The following GPR137C variants were observed in gnomAD, a reference collection of about 807,000 sequenced individuals.
GPR137C encodes the protein G protein-coupled receptor 137C, also known as integral membrane protein GPR137C.
A neutral mutation model predicts 43.4 loss-of-function variants in GPR137C; 27 were observed. That is an observed-to-expected ratio of 0.62 (90% CI 0.46 to 0.86). The LOEUF (loss-of-function observed/expected upper bound fraction) is 0.86, where lower values mean the gene tolerates loss of function less well. Ranked by LOEUF, GPR137C falls within the 40% of genes least tolerant of loss-of-function variation. The probability of loss-of-function intolerance (pLI) is 0.00; values close to 1 mark genes in which losing one functional copy is unlikely to be tolerated. For synonymous variants in GPR137C, 285 were observed against 226.9 expected, an observed-to-expected ratio of 1.26 and a Z score of -2.30; for missense variants, 522 against 534.6, an observed-to-expected ratio of 0.98 and a Z score of 0.23.
chr14:52,633,590 T>TG lies in GPR137C; in HGVS notation c.931dup (p.Glu311GlyfsTer29). On this transcript the variant is annotated frameshift_variant, in exon 5 of 7. Coordinates refer to ENST00000321662, the MANE Select transcript of GPR137C (RefSeq NM_001099652.2). LOFTEE classifies it high-confidence loss of function. Reference sequence around the variant, plus strand: ...AGTATTTGGAATGGTCCTCTTTCTGTGGGAACATGTGCCAGCATGGTCGGT... The same window carrying TG: ...AGTATTTGGAATGGTCCTCTTTCTGTGGGGAACATGTGCCAGCATGGTCGGT... 1 of 1,612,876 alleles carries TG rather than the reference T, an allele frequency of 6.2e-7. No individual in the cohort carries two copies. The highest frequency in any genetic ancestry group is 8.5e-7 in the Non-Finnish European group (1 of 1,179,084).
At chr14:52,577,454 T>G (rs1258874977) in intron 1 of GPR137C, among the ~76,000 whole-genome samples, 1 of 150,952 alleles carries the variant, frequency 6.6e-6, no homozygotes, top group East Asian at 2.0e-4. Flanking sequence ...AACCCAAAGC[T>G]AGCAGAAAAG....
chr14:52,596,744 T>A (rs2038861088), intron 1 of GPR137C, among the ~76,000 whole-genome samples: 1 of 152,170 alleles, frequency 6.6e-6, no homozygotes, highest in African/African-American at 2.4e-5. Flanking sequence ...TTCCCTTGCT[T>A]AGGAAAGGGA....
chr14:52,568,457 G>C (rs552757066), intron 1 of GPR137C, among the ~76,000 whole-genome samples: 1 of 151,984 alleles, frequency 6.6e-6, no homozygotes, highest in Non-Finnish European at 1.5e-5. Context: ...CGAAACAACC[G>C]TTCACTCCCC....
chr14:52,572,468 A>G (rs1429913603), intron 1 of GPR137C, among the ~76,000 whole-genome samples: 3 of 152,256 alleles, frequency 2.0e-5, no homozygotes, highest in Non-Finnish European at 4.4e-5. Context: ...AACATAATTC[A>G]TCACATAAAC....
rs77526922 is a variant in GPR137C, at chr14:52,604,647, C to T, written c.717+4306C>T. On this transcript the variant is annotated intron_variant, in intron 3 of 6. Transcript: ENST00000321662. Reference sequence around the variant, plus strand: ...ATTTTTAGTAGAGATGGGGTTTTGCCGTGTTGGCCAGGCTGCTCTTAAACT... The same window carrying T: ...ATTTTTAGTAGAGATGGGGTTTTGCTGTGTTGGCCAGGCTGCTCTTAAACT... Among the ~76,000 whole-genome samples, 647 of 152,130 alleles carry T rather than the reference C, an allele frequency of 4.3e-3. 10 individuals carry two copies. Among genetic ancestry groups the T allele is most frequent in the Admixed American group, 0.035 (536 of 15,266 alleles).
At chr14:52,592,939 C>A (rs1017027542) in intron 1 of GPR137C, among the ~76,000 whole-genome samples, 1 of 152,118 alleles carries the variant, frequency 6.6e-6, no homozygotes, top group South Asian at 2.1e-4. Context: ...CTAGTTTTTG[C>A]CCATTCAGTA....
chr14:52,555,710 AAAG>A (rs1186094381), intron 1 of GPR137C, among the ~76,000 whole-genome samples: 1 of 152,204 alleles, frequency 6.6e-6, no homozygotes, highest in Non-Finnish European at 1.5e-5. Flanking sequence ...TACAATTTGG[AAAG>A]AAGCTGGGAT....
intron 1 of GPR137C, among the ~76,000 whole-genome samples, chr14:52,592,784 C>T (rs2139510330): frequency 6.6e-6 from 1 of 152,254 alleles, no homozygotes. Flanking sequence ...CAAACAGGGA[C>T]AATTTGACTT....
rs2039321839 is a variant in GPR137C at position 52,633,876 on chromosome 14, T to C, written c.1042T>C (p.Phe348Leu). The C allele has an allele frequency of 6.2e-7, 1 of 1,612,828 alleles. No homozygotes were observed. Among genetic ancestry groups the C allele is most frequent in the African/African-American group, 1.3e-5 (1 of 74,826 alleles). ...NSHSYSSRAYFFDNPRRYDSD... is the reference protein window; with the variant it reads ...NSHSYSSRAYLFDNPRRYDSD... Reference sequence around the variant, plus strand: ...TCACAGTTATAGTTCCAGAGCTTACTTTTTCGACAATCCAAGACGATATGA... The same window carrying C: ...TCACAGTTATAGTTCCAGAGCTTACCTTTTCGACAATCCAAGACGATATGA... Residue 348 changes from phenylalanine to leucine, a missense_variant, in exon 6 of 7, where the codon TTT (phenylalanine) becomes CTT (leucine). By Grantham distance (22) the Phe-to-Leu change is conservative. Coordinates refer to ENST00000321662, the MANE Select transcript of GPR137C (RefSeq NM_001099652.2).
In GPR137C at chr14:52,553,255, C is replaced by T. The variant is rs1210859979; in HGVS notation, c.108C>T (p.Ala36=). The part of the protein sequence containing the change: ...GSGGGGAVAA[A]SGAAVPGSVQ... Reference sequence around the variant, plus strand: ...GAGGCGGAGGCGCCGTCGCTGCAGCCTCAGGCGCCGCGGTGCCGGGCTCCG... The same window carrying T: ...GAGGCGGAGGCGCCGTCGCTGCAGCTTCAGGCGCCGCGGTGCCGGGCTCCG... The change falls in exon 1 of 7, where the codon GCC becomes GCT. Residue 36 remains alanine (A), a synonymous_variant. Coordinates refer to ENST00000321662, the MANE Select transcript of GPR137C (RefSeq NM_001099652.2). 6.6e-5 allele frequency: 92 copies of T among 1,386,264 alleles called. No homozygotes were observed. Among genetic ancestry groups the T allele is most frequent in the Non-Finnish European group, 8.4e-5 (90 of 1,067,164 alleles). 85.9% of individuals were successfully genotyped at this position (1,386,264 alleles called of 1,614,324 possible).
rs149572280 is a variant in GPR137C, at chr14:52,577,701, G to A, written c.445-20571G>A. On this transcript the variant is annotated intron_variant, in intron 1 of 6. Transcript: ENST00000321662. ...TAAACTTAGGGGTGCAGTGGCTCAA[G>A]CATGTAATCCCAGCACTTTGGGAGG... Among the ~76,000 whole-genome samples the A allele has an allele frequency of 3.4e-3, 520 of 151,186 alleles. 2 individuals are homozygous for A. The highest frequency in any genetic ancestry group is 0.012 in the African/African-American group (502 of 41,134).
rs1284855119 is a variant in GPR137C at position 52,605,719 on chromosome 14, C to T, written c.717+5378C>T. The stretch of plus-strand genomic sequence containing the variant: ...AGACTTTATCTTGCTGAGGTATGTT[C>T]TGTACCCTATTTTTTTACGGCTTTT... On this transcript the variant is annotated intron_variant, in intron 3 of 6. Transcript: ENST00000321662. 2.6e-5 allele frequency among the ~76,000 whole-genome samples: 4 copies of T among 152,210 alleles called. No individual in the cohort carries two copies. In the East Asian group the frequency reaches 5.8e-4, roughly 22 times the overall value.
At chr14:52,555,366 A>G (rs2038176839) in intron 1 of GPR137C, among the ~76,000 whole-genome samples, 1 of 152,160 alleles carries the variant, frequency 6.6e-6, no homozygotes, top group African/African-American at 2.4e-5. Context: ...GAAATTTTAT[A>G]TCTGTATACA....
intron 1 of GPR137C, among the ~76,000 whole-genome samples, chr14:52,576,270 AT>A (rs1174956911): frequency 1.3e-5 from 2 of 152,208 alleles, no homozygotes; most frequent in Non-Finnish European, 2.9e-5. Context: ...ATGGCCTCAA[AT>A]TCCATCAATG....
At chr14:52,612,295 AG>A (rs2039046801) in intron 3 of GPR137C, 1 of 908,004 alleles carries the variant, frequency 1.1e-6, no homozygotes, top group African/African-American at 1.8e-5. Flanking sequence ...ATACTAGTAA[AG>A]GATTTTCTCA....
chr14:52,561,874 A>G (rs1045412073), intron 1 of GPR137C, among the ~76,000 whole-genome samples: 1 of 152,176 alleles, frequency 6.6e-6, no homozygotes, highest in Non-Finnish European at 1.5e-5. Flanking sequence ...GGGTGGGGAG[A>G]TACTCTGTAT....
Position 52,566,147 on chromosome 14 carries a change from C to T in GPR137C, c.444+12556C>T, listed in dbSNP as rs142704394. Among the ~76,000 whole-genome samples, 32 of 152,160 alleles carry T rather than the reference C, an allele frequency of 2.1e-4. No individual in the cohort carries two copies. In the East Asian group the frequency reaches 5.6e-3, roughly 27 times the overall value. On this transcript the variant is annotated intron_variant, in intron 1 of 6. Coordinates refer to ENST00000321662, the MANE Select transcript of GPR137C (RefSeq NM_001099652.2). ...AAACTGATCAAAATTTATTTAGGACCCAGGGATCATCATCCTTCTAGAATA... is the reference window on the plus strand; with the variant it reads ...AAACTGATCAAAATTTATTTAGGACTCAGGGATCATCATCCTTCTAGAATA...
At chr14:52,555,996 C>T (rs1452240187) in intron 1 of GPR137C, among the ~76,000 whole-genome samples, 1 of 152,098 alleles carries the variant, frequency 6.6e-6, no homozygotes, top group Non-Finnish European at 1.5e-5. Flanking sequence ...TCCCATTGAT[C>T]ATTCTGAATT....
chr14:52,600,781 T>C (rs1163137635), intron 3 of GPR137C, among the ~76,000 whole-genome samples: 1 of 152,174 alleles, frequency 6.6e-6, no homozygotes, highest in African/African-American at 2.4e-5. Context: ...TCACATGAAA[T>C]AAATCAGAAT....
Sources: gnomAD v4.1 joint callset for allele counts (sites outside exome capture counted in the v4.1 genomes callset) on GRCh38, gnomAD v4.1.1 for gene constraint, MANE v1.5 for transcripts, NCBI Gene and HGNC (gene_info 2026-07-23, HGNC 2026-07-21) for gene names.